The following SND1 variants were observed in gnomAD, a reference collection of about 807,000 sequenced individuals.
The protein encoded by SND1 is staphylococcal nuclease domain-containing protein 1.
A neutral mutation model predicts 121.7 loss-of-function variants in SND1; 38 were observed. The observed-to-expected ratio is 0.31, with a 90% CI of 0.24 to 0.41. The LOEUF (loss-of-function observed/expected upper bound fraction) is 0.41. SND1 is among the 10% of genes least tolerant of loss of function. SND1 has a pLI of 1.00. For synonymous variants in SND1, 401 were observed against 447.4 expected, an observed-to-expected ratio of 0.90 and a Z score of 1.31; for missense variants, 868 against 1,184.6, an observed-to-expected ratio of 0.73 and a Z score of 3.92.
intron 11 of SND1, among the ~76,000 whole-genome samples, chr7:127,828,907 T>G (rs1254983352): frequency 6.6e-6 from 1 of 152,202 alleles, no homozygotes; most frequent in Non-Finnish European, 1.5e-5. Flanking sequence ...GTTTATTGCT[T>G]TACTCCTGTC....
intron 1 of SND1, among the ~76,000 whole-genome samples, chr7:127,666,646 G>A (rs1795424682): frequency 6.6e-6 from 1 of 152,118 alleles, no homozygotes; most frequent in African/African-American, 2.4e-5. Context: ...GATAGCATAG[G>A]GAAGGTAGAA....
At chr7:127,663,630 C>A (rs1795358602) in intron 1 of SND1, among the ~76,000 whole-genome samples, 1 of 152,208 alleles carries the variant, frequency 6.6e-6, no homozygotes, top group African/African-American at 2.4e-5. Flanking sequence ...CCTACCTCGG[C>A]CTCCCAAAGT....
At chr7:127,796,694 C>G (rs923493208) in intron 10 of SND1, among the ~76,000 whole-genome samples, 1 of 152,118 alleles carries the variant, frequency 6.6e-6, no homozygotes, top group Admixed American at 6.5e-5. Flanking sequence ...AGCTTTGCTT[C>G]TTAGCAGCAG....
At chr7:127,663,068 G>A (rs1267548206) in intron 1 of SND1, among the ~76,000 whole-genome samples, 5 of 151,378 alleles carry the variant, frequency 3.3e-5, no homozygotes, top group African/African-American at 1.2e-4. Flanking sequence ...TAAATTTTTT[G>A]TGGAGACGGG....
intron 15 of SND1, among the ~76,000 whole-genome samples, chr7:127,962,238 A>G (rs1025479239): frequency 1.3e-5 from 2 of 152,202 alleles, no homozygotes; most frequent in Non-Finnish European, 2.9e-5. Flanking sequence ...AAATAAATTA[A>G]GCCTTGAAAC....
chr7:127,786,787 G>T (rs934555345), intron 10 of SND1, among the ~76,000 whole-genome samples: 11 of 152,134 alleles, frequency 7.2e-5, no homozygotes, highest in African/African-American at 1.7e-4. Context: ...GGGACTACAG[G>T]CGCGCGCCAC....
At chr7:128,024,395 C>T (rs955583535) in intron 16 of SND1, among the ~76,000 whole-genome samples, 2 of 152,162 alleles carry the variant, frequency 1.3e-5, no homozygotes, top group African/African-American at 4.8e-5. Flanking sequence ...ATGTTCCTCT[C>T]TCTCTTCTAA....
chr7:127,920,032 T>C (rs1800666167), intron 14 of SND1, among the ~76,000 whole-genome samples: 1 of 152,178 alleles, frequency 6.6e-6, no homozygotes, highest in Non-Finnish European at 1.5e-5. Context: ...TACAATTAAG[T>C]TTCATACTAA....
intron 11 of SND1, among the ~76,000 whole-genome samples, chr7:127,833,139 A>G (rs185933482): frequency 4.6e-5 from 7 of 151,720 alleles, no homozygotes; most frequent in Non-Finnish European, 7.4e-5. Flanking sequence ...AAGGTAGACT[A>G]TTTTATCTTA....
intron 14 of SND1, among the ~76,000 whole-genome samples, chr7:127,909,808 A>G (rs1198809672): frequency 6.6e-6 from 1 of 152,216 alleles, no homozygotes; most frequent in Non-Finnish European, 1.5e-5. Flanking sequence ...AGAAGGTCAG[A>G]CATTTGGGGC....
chr7:128,010,598 C>A (rs1487485010), intron 16 of SND1, among the ~76,000 whole-genome samples: 1 of 152,268 alleles, frequency 6.6e-6, no homozygotes, highest in Non-Finnish European at 1.5e-5. Flanking sequence ...ATGAGCCAGA[C>A]TGCATGGCAT....
At chr7:127,664,164 C>T (rs901560233) in intron 1 of SND1, among the ~76,000 whole-genome samples, 1 of 152,020 alleles carries the variant, frequency 6.6e-6, no homozygotes, top group African/African-American at 2.4e-5. Flanking sequence ...TTTGTAGAGG[C>T]GGGGTCTCTC....
intron 10 of SND1, among the ~76,000 whole-genome samples, chr7:127,756,289 A>G (rs1797193343): frequency 6.6e-6 from 1 of 152,124 alleles, no homozygotes; most frequent in Non-Finnish European, 1.5e-5. Context: ...TCATGTTCTT[A>G]TAAACTTGAT....
At chr7:127,963,791 A>G (rs1423859744) in intron 15 of SND1, among the ~76,000 whole-genome samples, 1 of 73,968 alleles carries the variant, frequency 1.4e-5, no homozygotes, top group East Asian at 3.9e-4. Flanking sequence ...GCTGGGTCAA[A>G]TGGTATTTCT....
chr7:127,732,858 A>G (rs1796703799), intron 10 of SND1, among the ~76,000 whole-genome samples: 1 of 152,210 alleles, frequency 6.6e-6, no homozygotes, highest in Non-Finnish European at 1.5e-5. Flanking sequence ...TGGATGCTGC[A>G]TGCTCATGGT....
In SND1 at chr7:127,652,248, C is replaced by T. The variant is rs926108219; in HGVS notation, c.-126C>T. 16 of 805,320 alleles carry T rather than the reference C, an allele frequency of 2.0e-5. No individual in the cohort carries two copies. The highest frequency in any genetic ancestry group is 4.0e-5 in the Admixed American group (2 of 49,798). 49.9% of individuals were successfully genotyped at this position (805,320 alleles called of 1,614,324 possible). ...CTGTGAGCGCCCGGCGAGTCCGTCC[C>T]GTCCACCGTCCGCAGCTGGTAGCCA... On this transcript the variant is annotated 5_prime_UTR_variant, in exon 1 of 24. Transcript: ENST00000354725.
At chr7:127,901,693 G>A (rs1292738405) in intron 13 of SND1, among the ~76,000 whole-genome samples, 1 of 152,132 alleles carries the variant, frequency 6.6e-6, no homozygotes, top group Non-Finnish European at 1.5e-5. Flanking sequence ...CTTTCATGAA[G>A]AATTAACAAA....
chr7:128,004,933 C>T (rs1344828670), intron 16 of SND1, among the ~76,000 whole-genome samples: 1 of 152,220 alleles, frequency 6.6e-6, no homozygotes, highest in Non-Finnish European at 1.5e-5. Flanking sequence ...GGCCTGTGCC[C>T]TAGCTGCCGT....
chr7:127,969,461 C>T (rs1427132108), intron 15 of SND1, among the ~76,000 whole-genome samples: 8 of 152,204 alleles, frequency 5.3e-5, no homozygotes, highest in African/African-American at 1.7e-4. Flanking sequence ...CGCAGTGACT[C>T]ACGCCTGTAA....
Sources: gnomAD v4.1 joint callset for allele counts (sites outside exome capture counted in the v4.1 genomes callset) on GRCh38, gnomAD v4.1.1 for gene constraint, MANE v1.5 for transcripts, NCBI Gene and HGNC (gene_info 2026-07-23, HGNC 2026-07-21) for gene names.